Variants in UGT1A10 observed in about 807,000 individuals in gnomAD.
The protein encoded by UGT1A10 is UDP glucuronosyltransferase family 1 member A10.
UGT1A10 carries 49 observed loss-of-function variants against 45.8 expected under a neutral mutation model. The ratio of observed to expected loss-of-function variants is 1.07; its 90% CI spans 0.85 to 1.36. The LOEUF (loss-of-function observed/expected upper bound fraction) is 1.36. Among genes scored for constraint, UGT1A10 ranks in the 40% most tolerant of loss-of-function variants. The pLI is 0.00. For missense variants in UGT1A10, 745 were observed against 668.6 expected, an observed-to-expected ratio of 1.11 and a Z score of -1.26; for synonymous variants, 284 against 249.7, an observed-to-expected ratio of 1.14 and a Z score of -1.29.
At chr2:233,762,448 C>T (rs2125997990) in intron 1 of UGT1A10, among the ~76,000 whole-genome samples, 1 of 152,302 alleles carries the variant, frequency 6.6e-6, no homozygotes, top group East Asian at 1.9e-4. Context: ...TCCCACTGCC[C>T]ACTTACCGAT....
chr2:233,744,799 C>T (rs571960868), intron 1 of UGT1A10, among the ~76,000 whole-genome samples: 2 of 151,914 alleles, frequency 1.3e-5, no homozygotes, highest in East Asian at 3.9e-4. Flanking sequence ...CTTGGGGATC[C>T]CTAGGATTTC....
rs780416991 is a variant in UGT1A10 at position 233,693,499 on chromosome 2, A to G, written c.855+56122A>G. 4 of 1,614,132 alleles carry G rather than the reference A, an allele frequency of 2.5e-6. No individual in the cohort carries two copies. The South Asian group carries it at 4.4e-5, about 18-fold the overall frequency. Reference sequence around the variant, plus strand: ...TGATCCTGGCTGAGTATTTGGGCCTACCATCTGTGTACCTCTTCAGGGGTT... The same window carrying G: ...TGATCCTGGCTGAGTATTTGGGCCTGCCATCTGTGTACCTCTTCAGGGGTT... On this transcript the variant is annotated intron_variant, in intron 1 of 4. Coordinates refer to ENST00000344644, the MANE Select transcript of UGT1A10 (RefSeq NM_019075.4).
intron 1 of UGT1A10, among the ~76,000 whole-genome samples, chr2:233,696,871 T>C (rs1200790521): frequency 6.6e-6 from 1 of 152,242 alleles, no homozygotes; most frequent in Non-Finnish European, 1.5e-5. Context: ...TTTCAGCATC[T>C]ACAACATATG....
intron 1 of UGT1A10, among the ~76,000 whole-genome samples, chr2:233,759,189 C>T (rs938228585): frequency 2.0e-5 from 3 of 152,184 alleles, no homozygotes; most frequent in African/African-American, 7.2e-5. Flanking sequence ...CAAAAAGTTC[C>T]TTCCCAGGTT....
intron 1 of UGT1A10, chr2:233,754,643 CTCAA>C (rs886471187): frequency 6.7e-6 from 3 of 449,160 alleles, no homozygotes; most frequent in Non-Finnish European, 8.9e-6. Context: ...CTTGGCCATT[CTCAA>C]TGATTCTCTT....
rs28898579 is a variant in UGT1A10 at position 233,699,172 on chromosome 2, G to C, written c.855+61795G>C. On this transcript the variant is annotated intron_variant, in intron 1 of 4. Transcript: ENST00000344644. ...TTGCAACCTTTCTGTCTGTCTCTCT[G>C]ATCCTCACTTCTTCTTCAGAATCTC... Among the ~76,000 whole-genome samples the C allele has an allele frequency of 1.0e-2, 1,519 of 152,080 alleles. 36 individuals are homozygous for C. The highest frequency in any genetic ancestry group is 0.034 in the African/African-American group (1,425 of 41,468).
intron 1 of UGT1A10, chr2:233,682,805 C>G: frequency 6.3e-7 from 1 of 1,594,110 alleles, no homozygotes; most frequent in Non-Finnish European, 8.6e-7. Context: ...AAGTTATCTC[C>G]CCTTTAGCAC....
At chr2:233,712,194 G>A (rs796216388) in intron 1 of UGT1A10, among the ~76,000 whole-genome samples, 8 of 152,168 alleles carry the variant, frequency 5.3e-5, no homozygotes, top group African/African-American at 1.2e-4. Context: ...CAGCTCCCCC[G>A]GTCCCTTGGT....
intron 1 of UGT1A10, among the ~76,000 whole-genome samples, chr2:233,649,798 C>G (rs1188074197): frequency 6.6e-6 from 1 of 152,116 alleles, no homozygotes; most frequent in Non-Finnish European, 1.5e-5. Context: ...CTTAGCCACC[C>G]AAAAAACTGT....
chr2:233,671,900 A>G (rs2074201985), intron 1 of UGT1A10: 2 of 1,573,802 alleles, frequency 1.3e-6, no homozygotes, highest in African/African-American at 1.4e-5. Context: ...AGGAGCTTAG[A>G]TTCCCAGCTG....
intron 1 of UGT1A10, chr2:233,692,956 T>G: frequency 6.2e-7 from 1 of 1,606,972 alleles, no homozygotes; most frequent in South Asian, 1.1e-5. Flanking sequence ...CCCTGTGATT[T>G]GGAGAGTGAA....
intron 1 of UGT1A10, chr2:233,730,084 A>T: frequency 6.2e-7 from 1 of 1,601,106 alleles, no homozygotes. Flanking sequence ...ATATTTACTT[A>T]TCTTTCCAAA....
intron 1 of UGT1A10, among the ~76,000 whole-genome samples, chr2:233,731,858 A>G (rs1373548311): frequency 6.6e-6 from 1 of 152,232 alleles, no homozygotes; most frequent in African/African-American, 2.4e-5. Context: ...AGGAATCGCC[A>G]CACTGTCTTC....
intron 1 of UGT1A10, among the ~76,000 whole-genome samples, chr2:233,698,410 C>G (rs1360939662): frequency 6.6e-6 from 1 of 151,926 alleles, no homozygotes; most frequent in Admixed American, 6.6e-5. Flanking sequence ...GTGACTTCAT[C>G]GCAATAAATT....
chr2:233,744,623 G>A (rs1465647088), intron 1 of UGT1A10, among the ~76,000 whole-genome samples: 4 of 151,984 alleles, frequency 2.6e-5, no homozygotes, highest in Admixed American at 6.5e-5. Context: ...CTATAGAGAG[G>A]TGGATTCTCA....
intron 1 of UGT1A10, among the ~76,000 whole-genome samples, chr2:233,696,716 ACAGTTTT>A (rs1306894731): frequency 7.2e-5 from 11 of 152,138 alleles, no homozygotes; most frequent in Admixed American, 2.6e-4. Context: ...TTTTAGAGGA[ACAGTTTT>A]CAGTTTTACC....
intron 1 of UGT1A10, chr2:233,713,927 C>G: frequency 6.2e-7 from 1 of 1,611,918 alleles, no homozygotes; most frequent in East Asian, 2.2e-5. Context: ...TATTTACTTA[C>G]AAGTGCTTCC....
chr2:233,649,442 A>C (rs371604191), intron 1 of UGT1A10, among the ~76,000 whole-genome samples: 1 of 152,252 alleles, frequency 6.6e-6, no homozygotes, highest in African/African-American at 2.4e-5. Flanking sequence ...TACCTGCTGC[A>C]GTAAAATGTT....
intron 1 of UGT1A10, among the ~76,000 whole-genome samples, chr2:233,706,592 C>T (rs2075915253): frequency 6.6e-6 from 1 of 151,948 alleles, no homozygotes; most frequent in African/African-American, 2.4e-5. Flanking sequence ...GGGAGGTGGA[C>T]CTAAGTATGT....
Sources: gnomAD v4.1 joint callset for allele counts (sites outside exome capture counted in the v4.1 genomes callset) on GRCh38, gnomAD v4.1.1 for gene constraint, MANE v1.5 for transcripts, NCBI Gene and HGNC (gene_info 2026-07-23, HGNC 2026-07-21) for gene names.